Variants in NTN3 observed in about 807,000 individuals in gnomAD.
The protein encoded by NTN3 is netrin 3.
In NTN3, 44 loss-of-function variants were observed where a neutral mutation model predicts 37.2. That is an observed-to-expected ratio of 1.18 (90% CI 0.93 to 1.52). NTN3 has a LOEUF of 1.52. NTN3 is among the 40% of genes most tolerant of loss of function. The pLI is 0.00. For synonymous variants in NTN3, 385 were observed against 376.0 expected, an observed-to-expected ratio of 1.02 and a Z score of -0.28; for missense variants, 882 against 857.3, an observed-to-expected ratio of 1.03 and a Z score of -0.36.
At position 2,472,524 on chromosome 16, in the gene NTN3, G is replaced by T; in HGVS notation, c.823G>T (p.Asp275Tyr). 1 of 1,607,866 alleles carries T rather than the reference G, an allele frequency of 6.2e-7. No individual in the cohort carries two copies. Residue 275 changes from aspartate to tyrosine, a missense_variant, in exon 1 of 6, where the codon GAC becomes TAC. Coordinates refer to ENST00000293973, the MANE Select transcript of NTN3 (RefSeq NM_006181.3). ...LLDTQGHLIC[D>Y]CRHGTEGPDC... ...GGACACACAGGGCCACCTGATCTGC[G>T]ACTGTCGGCATGGCACCGAGGGCCC... is the stretch of plus-strand genomic sequence containing the variant.
chr16:2,471,986 G>C lies in NTN3; in HGVS notation c.285G>C (p.Ser95=), dbSNP rs368125600. The C allele has an allele frequency of 1.0e-5, 16 of 1,600,056 alleles. No homozygotes were observed. The South Asian group carries it at 1.4e-4, about 14-fold the overall frequency. The change falls in exon 1 of 6, where the codon TCG becomes TCC. Residue 95 remains serine (S), a synonymous_variant. Transcript: ENST00000293973. ...GGTASPLCWR[S]ESLPRAPLNV... ...CGGCCAGCCCTCTGTGCTGGCGCTC[G>C]GAGTCCCTGCCTCGGGCGCCCCTCA...
chr16:2,471,654 G>A lies in NTN3; in HGVS notation c.-48G>A. ...CGGAGAGGGCTTCTTTTCCCCAAGG[G>A]CAGCGTCTTGGGGCCCGGCCACTGG... On this transcript the variant is annotated 5_prime_UTR_variant, in exon 1 of 6. Coordinates refer to ENST00000293973, the MANE Select transcript of NTN3 (RefSeq NM_006181.3). 8.0e-7 allele frequency: 1 copy of A among 1,246,592 alleles called. No individual in the cohort carries two copies. The highest frequency in any genetic ancestry group is 2.3e-5 in the South Asian group (1 of 43,694). 77.2% of individuals were successfully genotyped at this position (1,246,592 alleles called of 1,614,324 possible).
chr16:2,471,887 G>A lies in NTN3; in HGVS notation c.186G>A (p.Pro62=). 1.3e-6 allele frequency: 2 copies of A among 1,483,430 alleles called. No individual in the cohort carries two copies. Among genetic ancestry groups the A allele is most frequent in the Non-Finnish European group, 9.0e-7 (1 of 1,116,078 alleles). The allele number at this position is 1,483,430 out of a possible 1,614,324, so 91.9% of individuals were successfully genotyped here. The part of the protein sequence containing the change: ...EVLASSTCGR[P]ATRACDASDP... Reference sequence around the variant, plus strand: ...TGGCTTCCAGCACGTGCGGGCGGCCGGCCACTCGGGCCTGCGACGCCTCCG... The same window carrying A: ...TGGCTTCCAGCACGTGCGGGCGGCCAGCCACTCGGGCCTGCGACGCCTCCG... Residue 62 remains proline, a synonymous_variant, in exon 1 of 6, where the codon CCG becomes CCA. Transcript: ENST00000293973.
rs1203944989 is a variant in NTN3, at chr16:2,472,900, A to G, written c.1117+11A>G. The G allele has an allele frequency of 1.3e-5, 21 of 1,585,420 alleles. No individual in the cohort carries two copies. Among genetic ancestry groups the G allele is most frequent in the Non-Finnish European group, 1.7e-5 (20 of 1,165,658 alleles). On this transcript the variant is annotated intron_variant, in intron 2 of 5. Coordinates refer to ENST00000293973, the MANE Select transcript of NTN3 (RefSeq NM_006181.3). The stretch of plus-strand genomic sequence containing the variant: ...GTCGGGCTTGCAGGGGTGAGCCACC[A>G]CCGGCCACCTGCAGGCCCTCACCCT...
At chr16:2,473,182 C>A in intron 3 of NTN3, 48 bp downstream of exon 3, 1 of 1,595,222 alleles carries the variant, frequency 6.3e-7, no homozygotes, top group South Asian at 1.1e-5. Context: ...GCCACCCCAG[C>A]TCCCTGCTGT....
chr16:2,473,210 G>C (rs944686812), intron 3 of NTN3, 58 bp from the exon 4 acceptor site: 25 of 1,602,686 alleles, frequency 1.6e-5, no homozygotes, highest in South Asian at 1.2e-4. Context: ...TCTATTCCCC[G>C]AGCCCTGCAG....
Position 2,473,332 on chromosome 16 carries a change from G to A in NTN3, c.1318+14G>A, listed in dbSNP as rs758917673. 3 of 1,612,948 alleles carry A rather than the reference G, an allele frequency of 1.9e-6. No homozygotes were observed. The highest frequency in any genetic ancestry group is 2.2e-5 in the South Asian group (2 of 91,074). Reference sequence around the variant, plus strand: ...TGCAGCCCCAGGGTGAGTGGACACAGGACAGGGCCCCAGACTGGCATGACT... The same window carrying A: ...TGCAGCCCCAGGGTGAGTGGACACAAGACAGGGCCCCAGACTGGCATGACT... On this transcript the variant is annotated intron_variant, in intron 4 of 5. Transcript: ENST00000293973.
Position 2,472,537 on chromosome 16 carries a change from G to A in NTN3, c.836G>A (p.Gly279Asp). 1 of 1,606,042 alleles carries A rather than the reference G, an allele frequency of 6.2e-7. No individual in the cohort carries two copies. Reference protein sequence around the residue: ...QGHLICDCRHGTEGPDCGRCK... With the variant: ...QGHLICDCRHDTEGPDCGRCK... The stretch of plus-strand genomic sequence containing the variant: ...CACCTGATCTGCGACTGTCGGCATG[G>A]CACCGAGGGCCCTGACTGCGGCCGC... The change falls in exon 1 of 6, where the codon GGC becomes GAC. Residue 279 changes from glycine (G) to aspartate (D), a missense_variant. By Grantham distance (94) the Gly-to-Asp change is moderately conservative. Coordinates refer to ENST00000293973, the MANE Select transcript of NTN3 (RefSeq NM_006181.3).
Position 2,472,170 on chromosome 16 carries a change from G to T in NTN3, c.469G>T (p.Asp157Tyr). ...LGFFSSHCDL[D>Y]YGRLPAPANG... The stretch of plus-strand genomic sequence containing the variant: ...CTTCTTCTCCTCCCACTGTGACCTG[G>T]ACTATGGCCGTCTGCCTGCCCCTGC... The change falls in exon 1 of 6, where the codon GAC becomes TAC. Residue 157 changes from aspartate to tyrosine, a missense_variant. Physicochemically the swap from Asp to Tyr is radical, Grantham distance 160. Coordinates refer to ENST00000293973, the MANE Select transcript of NTN3 (RefSeq NM_006181.3). The T allele has an allele frequency of 6.2e-7, 1 of 1,608,486 alleles. No individual in the cohort carries two copies. Among genetic ancestry groups the T allele is most frequent in the Non-Finnish European group, 8.5e-7 (1 of 1,179,854 alleles).
In NTN3 at chr16:2,474,039, C is replaced by G; in HGVS notation, c.1677C>G (p.Asp559Glu). 1 of 1,203,710 alleles carries G rather than the reference C, an allele frequency of 8.3e-7. No homozygotes were observed. The allele number at this position is 1,203,710 out of a possible 1,614,324, so 74.6% of individuals were successfully genotyped here. A position where few individuals can be genotyped will look rare whatever the true frequency, so the allele number is the denominator to read the frequency against. ...GAAGCCTCGTGCTACCCTGGAGGGA[C>G]GCGTGGACGCGGCGCCTGCGGAGGC... Reference protein sequence around the residue: ...ARGSLVLPWRDAWTRRLRRLQ... With the variant: ...ARGSLVLPWREAWTRRLRRLQ... Residue 559 changes from aspartate (D) to glutamate (E), a missense_variant, in exon 6 of 6, where the codon GAC (aspartate) becomes GAG (glutamate). By Grantham distance (45) the Asp-to-Glu change is conservative. Transcript: ENST00000293973.
In NTN3 at chr16:2,472,344, G is replaced by C. The variant is rs755077725; in HGVS notation, c.643G>C (p.Val215Leu). 3.7e-6 allele frequency: 6 copies of C among 1,611,838 alleles called. No homozygotes were observed. The highest frequency in any genetic ancestry group is 5.1e-6 in the Non-Finnish European group (6 of 1,179,220). Residue 215 changes from valine to leucine, a missense_variant, in exon 1 of 6, where the codon GTG (valine) becomes CTG (leucine). Val to Leu is a conservative substitution (Grantham distance 32). Transcript: ENST00000293973. Reference sequence around the variant, plus strand: ...CAGCAGCCCAGTGCTCCAAGACTGGGTGACCGCCACCGACGTCCGTGTAGT... The same window carrying C: ...CAGCAGCCCAGTGCTCCAAGACTGGCTGACCGCCACCGACGTCCGTGTAGT... ...LDSSPVLQDW[V>L]TATDVRVVLT...
rs774754314 is a variant in NTN3 at position 2,472,643 on chromosome 16, G to C, written c.928+14G>C. ...ACGCCTGCCTCGGTGAGGCCTTGGA[G>C]GGTGGCCTGGGGACCTTGGACACAA... On this transcript the variant is annotated intron_variant, in intron 1 of 5. Transcript: ENST00000293973. 1 of 1,599,316 alleles carries C rather than the reference G, an allele frequency of 6.3e-7. No individual in the cohort carries two copies. Among genetic ancestry groups the C allele is most frequent in the Non-Finnish European group, 8.5e-7 (1 of 1,171,798 alleles).
intron 3 of NTN3, 49 bp downstream of exon 3, chr16:2,473,183 T>A: frequency 4.4e-6 from 7 of 1,595,376 alleles, no homozygotes; most frequent in Non-Finnish European, 6.0e-6. Flanking sequence ...CCACCCCAGC[T>A]CCCTGCTGTT....
rs2065542209 is a variant in NTN3 at position 2,474,083 on chromosome 16, G to T, written c.1721G>T (p.Arg574Leu). 6 of 1,207,222 alleles carry T rather than the reference G, an allele frequency of 5.0e-6. No individual in the cohort carries two copies. The highest frequency in any genetic ancestry group is 6.2e-6 in the Non-Finnish European group (6 of 971,836). The allele number at this position is 1,207,222 out of a possible 1,614,324, so 74.8% of individuals were successfully genotyped here. A position where few individuals can be genotyped will look rare whatever the true frequency, so the allele number is the denominator to read the frequency against. Residue 574 changes from arginine (R) to leucine (L), a missense_variant, in exon 6 of 6, where the codon CGG becomes CTG. By Grantham distance (102) the Arg-to-Leu change is moderately radical. Transcript: ENST00000293973. Reference protein sequence around the residue: ...RLRRLQRRERRGRCSAA With the variant: ...RLRRLQRRERLGRCSAA ...CGGAGGCTGCAGCGACGCGAACGGCGGGGGCGCTGCAGCGCCGCCTGAGCC... is the reference window on the plus strand; with the variant it reads ...CGGAGGCTGCAGCGACGCGAACGGCTGGGGCGCTGCAGCGCCGCCTGAGCC...
intron 5 of NTN3, 83 bp downstream of exon 5, chr16:2,473,586 C>A: frequency 6.9e-7 from 1 of 1,438,918 alleles, no homozygotes; most frequent in Non-Finnish European, 9.7e-7. Context: ...CCCCTTGGAA[C>A]GCCTTGACCC....
At position 2,472,175 on chromosome 16, in the gene NTN3, T is replaced by C; in HGVS notation, c.474T>C (p.Tyr158=). 1 of 1,608,574 alleles carries C rather than the reference T, an allele frequency of 6.2e-7. No individual in the cohort carries two copies. Among genetic ancestry groups the C allele is most frequent in the Non-Finnish European group, 8.5e-7 (1 of 1,179,860 alleles). Residue 158 remains tyrosine (Y), a synonymous_variant, in exon 1 of 6, where the codon TAT becomes TAC. Coordinates refer to ENST00000293973, the MANE Select transcript of NTN3 (RefSeq NM_006181.3). The part of the protein sequence containing the change: ...GFFSSHCDLD[Y]GRLPAPANGP... ...TCTCCTCCCACTGTGACCTGGACTA[T>C]GGCCGTCTGCCTGCCCCTGCCAATG...
chr16:2,473,543 C>G, intron 5 of NTN3, 40 bp downstream of exon 5: 1 of 1,568,624 alleles, frequency 6.4e-7, no homozygotes, highest in Middle Eastern at 1.7e-4. Flanking sequence ...TCCCACCTTC[C>G]TCCTCTCCCT....
intron 2 of NTN3, 45 bp from the exon 3 acceptor site, chr16:2,472,940 C>A: frequency 6.3e-7 from 1 of 1,579,568 alleles, no homozygotes; most frequent in South Asian, 1.1e-5. Context: ...CTTCCCAGAT[C>A]CCCAGACAGG....
Position 2,474,135 on chromosome 16 carries a change from T to C in NTN3, c.*30T>C. The C allele has an allele frequency of 1.7e-6, 2 of 1,189,060 alleles. No individual in the cohort carries two copies. 73.7% of individuals were successfully genotyped at this position (1,189,060 alleles called of 1,614,324 possible). On this transcript the variant is annotated 3_prime_UTR_variant, in exon 6 of 6. Transcript: ENST00000293973. Reference sequence around the variant, plus strand: ...GCCGGCTGGGCAGGGCGGCCGCTGCTCCCACATCTAGGCGCACGTTCACCC... The same window carrying C: ...GCCGGCTGGGCAGGGCGGCCGCTGCCCCCACATCTAGGCGCACGTTCACCC...
Sources: gnomAD v4.1 joint callset for allele counts on GRCh38, gnomAD v4.1.1 for gene constraint, MANE v1.5 for transcripts, NCBI Gene and HGNC (gene_info 2026-07-23, HGNC 2026-07-21) for gene names.